The following CHL1 variants were observed in gnomAD, a reference collection of about 807,000 sequenced individuals.
CHL1 encodes the protein neural cell adhesion molecule L1-like protein.
CHL1 carries 96 observed loss-of-function variants against 141.9 expected under a neutral mutation model. That is an observed-to-expected ratio of 0.68 (90% CI 0.57 to 0.80). The LOEUF (loss-of-function observed/expected upper bound fraction) is 0.80, where lower values mean the gene tolerates loss of function less well. Ranked by LOEUF, CHL1 falls within the 30% of genes least tolerant of loss-of-function variation. CHL1 has a pLI of 0.00. For missense variants in CHL1, 1,820 were observed against 1,457.2 expected (o/e 1.25, Z -4.05); for synonymous variants, 613 against 502.2 (o/e 1.22, Z -2.95).
intron 2 of CHL1, among the ~76,000 whole-genome samples, chr3:276,847 C>A (rs1466352499): frequency 7.0e-6 from 1 of 142,998 alleles, no homozygotes; most frequent in African/African-American, 2.6e-5. Context: ...CGAGATCATG[C>A]CACTGCACTC....
chr3:214,380 T>G (rs1045964936), intron 1 of CHL1, among the ~76,000 whole-genome samples: 4 of 152,184 alleles, frequency 2.6e-5, no homozygotes, highest in Admixed American at 6.5e-5. Flanking sequence ...ACTTCAAATA[T>G]TAGGATCTGA....
At chr3:239,422 C>T (rs1002196621) in intron 1 of CHL1, among the ~76,000 whole-genome samples, 4 of 152,064 alleles carry the variant, frequency 2.6e-5, no homozygotes, top group African/African-American at 9.7e-5. Flanking sequence ...TTTTTCTCTG[C>T]TGCAGCATCT....
chr3:382,515 A>G lies in CHL1; in HGVS notation c.2020A>G (p.Arg674Gly), dbSNP rs1444764381. The G allele has an allele frequency of 1.2e-6, 2 of 1,613,986 alleles. No homozygotes were observed. Among genetic ancestry groups the G allele is most frequent in the Admixed American group, 1.7e-5 (1 of 60,010 alleles). ...TGAAGGAAACAAAGAAGAGCCTGGA[A>G]GGTGGGAGGAACTGACCAGAGTCCA... is the stretch of plus-strand genomic sequence containing the variant. Reference protein sequence around the residue: ...EFEGNKEEPGRWEELTRVQGK... With the variant: ...EFEGNKEEPGGWEELTRVQGK... The change falls in exon 18 of 28, where the codon AGG becomes GGG. Residue 674 changes from arginine to glycine, a missense_variant. Transcript: ENST00000256509.
At chr3:376,321 A>G (rs2125356570) in intron 15 of CHL1, 2 of 484,610 alleles carry the variant, frequency 4.1e-6, no homozygotes, top group Middle Eastern at 3.4e-4. Context: ...ATGTGACAGA[A>G]TTATCCAGGC....
intron 2 of CHL1, among the ~76,000 whole-genome samples, chr3:284,708 C>G (rs575095187): frequency 3.9e-5 from 6 of 151,900 alleles, no homozygotes; most frequent in African/African-American, 1.4e-4. Flanking sequence ...CCAGGGAAAA[C>G]TGTTCAGAGG....
chr3:344,573 CT>C lies in CHL1; in HGVS notation c.728-12del. On this transcript the variant is annotated splice_polypyrimidine_tract_variant and intron_variant, in intron 8 of 27. Transcript: ENST00000256509. ...TTAATTTGAAAAAATTCTGACTTTT[CT>C]TTTCTATTTTGTAGCAAATTCCATC... 1 of 1,590,772 alleles carries C rather than the reference CT, an allele frequency of 6.3e-7. No individual in the cohort carries two copies. The highest frequency in any genetic ancestry group is 1.1e-5 in the South Asian group (1 of 86,982).
chr3:218,773 A>G (rs1700548761), intron 1 of CHL1, among the ~76,000 whole-genome samples: 1 of 152,216 alleles, frequency 6.6e-6, no homozygotes, highest in Non-Finnish European at 1.5e-5. Flanking sequence ...AAAATGGGCA[A>G]AGAAAGAGAA....
At chr3:275,838 T>G (rs1696044283) in intron 2 of CHL1, among the ~76,000 whole-genome samples, 1 of 152,132 alleles carries the variant, frequency 6.6e-6, no homozygotes, top group Non-Finnish European at 1.5e-5. Context: ...ATAAAAAAAC[T>G]AGTATAAAAT....
intron 5 of CHL1, 58 bp downstream of exon 5, chr3:328,412 AGT>A: frequency 7.4e-7 from 1 of 1,356,102 alleles, no homozygotes; most frequent in Middle Eastern, 1.9e-4. Context: ...GTTAAATAGG[AGT>A]TAGATTGGGT....
chr3:271,812 TG>T (rs1446030579), intron 2 of CHL1, among the ~76,000 whole-genome samples: 1 of 152,204 alleles, frequency 6.6e-6, no homozygotes, highest in Non-Finnish European at 1.5e-5. Flanking sequence ...TATTGTGTGT[TG>T]GGGAAGCATC....
chr3:352,915 A>G (rs1327489047), intron 10 of CHL1, among the ~76,000 whole-genome samples: 1 of 152,180 alleles, frequency 6.6e-6, no homozygotes, highest in Non-Finnish European at 1.5e-5. Flanking sequence ...ATAACACTAA[A>G]TTAGAAACAA....
At chr3:206,191 G>A (rs1575598205) in intron 1 of CHL1, among the ~76,000 whole-genome samples, 2 of 152,292 alleles carry the variant, frequency 1.3e-5, no homozygotes, top group African/African-American at 4.8e-5. Context: ...AAACCTGCCA[G>A]AGGTGGTGGT....
At chr3:248,128 T>C (rs778677466) in intron 2 of CHL1, 1 of 152,106 alleles carries the variant, frequency 6.6e-6, no homozygotes, top group African/African-American at 2.4e-5. Context: ...CAGCTGTTCT[T>C]TGGATTACCT....
Position 401,694 on chromosome 3 carries a change from T to C in CHL1, c.3454T>C (p.Tyr1152His). The C allele has an allele frequency of 1.3e-6, 2 of 1,561,412 alleles. No homozygotes were observed. The highest frequency in any genetic ancestry group is 1.7e-6 in the Non-Finnish European group (2 of 1,144,098). ...QSVKDETFGE[Y>H]SDSDEKPLKG... is the part of the protein sequence containing the mutation. ...AGTAAAAGATGAAACCTTTGGTGAA[T>C]ACAGGTAAACATAAGGTTCTGTTGT... The change falls in exon 27 of 28, where the codon TAC (tyrosine) becomes CAC (histidine). Residue 1152 changes from tyrosine (Y) to histidine (H), a missense_variant. Coordinates refer to ENST00000256509, the MANE Select transcript of CHL1 (RefSeq NM_006614.4).
chr3:284,038 A>G (rs1035741810), intron 2 of CHL1, among the ~76,000 whole-genome samples: 12 of 152,234 alleles, frequency 7.9e-5, no homozygotes, highest in African/African-American at 2.9e-4. Context: ...AACACTTACT[A>G]TGTACCAATT....
intron 1 of CHL1, chr3:197,707 A>C (rs751670762): frequency 4.6e-6 from 2 of 432,100 alleles, no homozygotes; most frequent in South Asian, 1.6e-5. Flanking sequence ...GGGGAGCACG[A>C]AAACCCAGAG....
rs1009530684 is a variant in CHL1, at chr3:401,496, T to C, written c.3386-130T>C. 5.1e-6 allele frequency: 3 copies of C among 582,932 alleles called. No individual in the cohort carries two copies. In the Admixed American group the frequency reaches 1.1e-4, roughly 22 times the overall value. 36.1% of individuals were successfully genotyped at this position (582,932 alleles called of 1,614,324 possible). ...GGCTGTAGGTATAGCCAGAAAAAAA[T>C]ATTGCCTCACTGGTATCAAAACATT... On this transcript the variant is annotated intron_variant, in intron 26 of 27. Coordinates refer to ENST00000256509, the MANE Select transcript of CHL1 (RefSeq NM_006614.4).
At chr3:372,719 C>T (rs1464362611) in intron 15 of CHL1, among the ~76,000 whole-genome samples, 1 of 151,910 alleles carries the variant, frequency 6.6e-6, no homozygotes, top group African/African-American at 2.4e-5. Context: ...TCTTTCTCAT[C>T]TTCATAAATT....
At chr3:389,856 C>G (rs1295993443) in intron 20 of CHL1, among the ~76,000 whole-genome samples, 1 of 152,146 alleles carries the variant, frequency 6.6e-6, no homozygotes, top group African/African-American at 2.4e-5. Flanking sequence ...CTCTCATGCC[C>G]TGGGCTTCAG....
Sources: allele counts gnomAD v4.1 joint callset (sites outside exome capture counted in the v4.1 genomes callset), GRCh38; gene constraint gnomAD v4.1.1; transcripts MANE v1.5; gene names NCBI Gene and HGNC (gene_info 2026-07-23, HGNC 2026-07-21).